The following FLYWCH1 variants were observed in gnomAD, a reference collection of about 807,000 sequenced individuals.
FLYWCH1 encodes the protein FLYWCH-type zinc finger-containing protein 1.
Under a neutral mutation model 66.4 loss-of-function variants are expected in FLYWCH1, and 75 were observed. The ratio of observed to expected loss-of-function variants is 1.13; its 90% CI spans 0.94 to 1.37. The LOEUF is 1.37. Among genes scored for constraint, FLYWCH1 ranks in the 40% most tolerant of loss-of-function variants. FLYWCH1 has a pLI of 0.00. For missense variants in FLYWCH1, 1,334 were observed against 1,001.8 expected (o/e 1.33, Z -4.48); for synonymous variants, 595 against 429.9 (o/e 1.38, Z -4.75).
rs767703045 is a variant in FLYWCH1, at chr16:2,948,858, G to A, written c.*131G>A. Reference sequence around the variant, plus strand: ...TTCTTCCAAAGCATCGATGGTCTTCGCGTCTCCTCAGGAGGTCTCCCAGGA... The same window carrying A: ...TTCTTCCAAAGCATCGATGGTCTTCACGTCTCCTCAGGAGGTCTCCCAGGA... On this transcript the variant is annotated 3_prime_UTR_variant, in exon 10 of 10. Coordinates refer to ENST00000253928, the MANE Select transcript of FLYWCH1 (RefSeq NM_001308068.2). The A allele has an allele frequency of 3.8e-6, 3 of 779,846 alleles. No individual in the cohort carries two copies. The highest frequency in any genetic ancestry group is 1.5e-5 in the South Asian group (1 of 64,884). 48.3% of individuals were successfully genotyped at this position (779,846 alleles called of 1,614,324 possible). A position where few individuals can be genotyped will look rare whatever the true frequency, so the allele number is the denominator to read the frequency against.
At chr16:2,946,199 C>T (rs1051348715) in intron 9 of FLYWCH1, among the ~76,000 whole-genome samples, 7 of 151,818 alleles carry the variant, frequency 4.6e-5, no homozygotes, top group African/African-American at 7.3e-5. Flanking sequence ...GTGTTGTATA[C>T]TAAGTGTGCA....
At chr16:2,922,760 C>T (rs954377505) in intron 2 of FLYWCH1, 1 of 516,446 alleles carries the variant, frequency 1.9e-6, no homozygotes, top group Admixed American at 2.0e-5. Flanking sequence ...GGGTATTGAC[C>T]TGGGCCACAA....
intron 2 of FLYWCH1, among the ~76,000 whole-genome samples, chr16:2,925,990 C>G (rs1292292591): frequency 6.6e-6 from 1 of 152,140 alleles, no homozygotes; most frequent in African/African-American, 2.4e-5. Context: ...AGTCTCGATT[C>G]CAGGCTGAGA....
intron 2 of FLYWCH1, among the ~76,000 whole-genome samples, chr16:2,922,058 T>TA (rs761799752): frequency 5.3e-5 from 8 of 151,826 alleles, no homozygotes; most frequent in Non-Finnish European, 8.8e-5. Context: ...GTGACAGAGT[T>TA]AAAAAAAAGA....
In FLYWCH1 at chr16:2,949,663, T is replaced by G. The variant is rs554262326; in HGVS notation, c.*936T>G. On this transcript the variant is annotated 3_prime_UTR_variant, in exon 10 of 10. Transcript: ENST00000253928. ...GCCGCGAGGTCCTTCACTCCCACCC[T>G]GTAATTGTGGGGGGAGTGCCAGCAA... 6.6e-6 allele frequency: 1 copy of G among 152,116 alleles called. No individual in the cohort carries two copies. The highest frequency in any genetic ancestry group is 2.4e-5 in the African/African-American group (1 of 41,494). 9.4% of individuals were successfully genotyped at this position (152,116 alleles called of 1,614,324 possible). A position where few individuals can be genotyped will look rare whatever the true frequency, so the allele number is the denominator to read the frequency against.
intron 2 of FLYWCH1, among the ~76,000 whole-genome samples, chr16:2,916,660 A>AC (rs1332963467): frequency 6.6e-6 from 1 of 151,494 alleles, no homozygotes; most frequent in African/African-American, 2.4e-5. Context: ...AAAACAAAAA[A>AC]TAAAAAAAAG....
intron 1 of FLYWCH1, among the ~76,000 whole-genome samples, chr16:2,912,397 C>T (rs2070020881): frequency 6.6e-6 from 1 of 151,842 alleles, no homozygotes; most frequent in South Asian, 2.1e-4. Flanking sequence ...CGCACTCGTC[C>T]GCCGTTTCCT....
chr16:2,936,486 C>A (rs192095917), intron 6 of FLYWCH1: 2 of 445,712 alleles, frequency 4.5e-6, no homozygotes, highest in South Asian at 1.6e-5. Flanking sequence ...GGCTTGCTAC[C>A]CACCCCCATC....
At chr16:2,916,515 T>G (rs974208190) in intron 2 of FLYWCH1, among the ~76,000 whole-genome samples, 1 of 151,362 alleles carries the variant, frequency 6.6e-6, no homozygotes. Flanking sequence ...CAGGTGCCTG[T>G]AGTCTCAGCT....
At chr16:2,938,602 T>TA (rs2071121868) in intron 8 of FLYWCH1, 146 bp downstream of exon 8, 11 of 584,926 alleles carry the variant, frequency 1.9e-5, no homozygotes, top group Non-Finnish European at 2.5e-5. Flanking sequence ...GTGAAACCAG[T>TA]CTTTGTTTTT....
chr16:2,944,790 C>G (rs1390637957), intron 9 of FLYWCH1, among the ~76,000 whole-genome samples: 2 of 151,314 alleles, frequency 1.3e-5, no homozygotes, highest in South Asian at 2.1e-4. Flanking sequence ...CCACTGCCCT[C>G]CAGCCTGGGC....
At chr16:2,932,199 A>T (rs1596375038) in intron 4 of FLYWCH1, among the ~76,000 whole-genome samples, 1 of 131,498 alleles carries the variant, frequency 7.6e-6, no homozygotes, top group Non-Finnish European at 1.6e-5. Context: ...AATTGCTTGG[A>T]GGCGGAGGTT....
intron 8 of FLYWCH1, 102 bp downstream of exon 8, chr16:2,938,558 T>C: frequency 9.2e-7 from 1 of 1,092,022 alleles, no homozygotes; most frequent in Non-Finnish European, 1.2e-6. Flanking sequence ...CAGACTGCTT[T>C]TGTGCACACA....
chr16:2,913,532 G>T (rs1454526867), intron 1 of FLYWCH1, among the ~76,000 whole-genome samples: 1 of 152,170 alleles, frequency 6.6e-6, no homozygotes, highest in Non-Finnish European at 1.5e-5. Flanking sequence ...CACAACGTGT[G>T]GTAGGGCATG....
chr16:2,950,495 G>C lies in FLYWCH1; in HGVS notation c.*1768G>C, dbSNP rs559073384. 1.3e-5 allele frequency: 2 copies of C among 152,478 alleles called. No individual in the cohort carries two copies. The highest frequency in any genetic ancestry group is 2.1e-4 in the South Asian group (1 of 4,836). 9.4% of individuals were successfully genotyped at this position (152,478 alleles called of 1,614,324 possible). ...GAAGCTCTCCACATGCCCAAGATAC[G>C]AGAGAAACGCCCGGGTCACAGCAGC... is the stretch of plus-strand genomic sequence containing the variant. On this transcript the variant is annotated 3_prime_UTR_variant, in exon 10 of 10. Coordinates refer to ENST00000253928, the MANE Select transcript of FLYWCH1 (RefSeq NM_001308068.2).
intron 9 of FLYWCH1, among the ~76,000 whole-genome samples, chr16:2,948,465 A>C (rs956640068): frequency 6.6e-6 from 1 of 152,074 alleles, no homozygotes; most frequent in Admixed American, 6.6e-5. Flanking sequence ...CAGGAGGCTG[A>C]GGTGGGAGAA....
intron 6 of FLYWCH1, 97 bp from the exon 7 acceptor site, chr16:2,937,024 G>T (rs771527453): frequency 4.4e-6 from 6 of 1,358,778 alleles, no homozygotes; most frequent in Non-Finnish European, 4.0e-6. Flanking sequence ...CTGTGAGGAG[G>T]AGGTGTGGGC....
At chr16:2,947,304 C>A (rs1455299585) in intron 9 of FLYWCH1, among the ~76,000 whole-genome samples, 1 of 152,148 alleles carries the variant, frequency 6.6e-6, no homozygotes, top group Non-Finnish European at 1.5e-5. Context: ...TTAGTGGCTG[C>A]CTGGGGCAAG....
chr16:2,923,001 C>G, intron 2 of FLYWCH1: 1 of 487,182 alleles, frequency 2.1e-6, no homozygotes, highest in Non-Finnish European at 4.0e-6. Flanking sequence ...GCGGGTGACG[C>G]GCGGATCTTT....
Sources: allele counts gnomAD v4.1 joint callset (sites outside exome capture counted in the v4.1 genomes callset), GRCh38; gene constraint gnomAD v4.1.1; transcripts MANE v1.5; gene names NCBI Gene and HGNC (gene_info 2026-07-23, HGNC 2026-07-21).